ROBO1: variants seen among roughly 807,000 people sequenced by gnomAD.
ROBO1 encodes roundabout homolog 1.
A neutral mutation model predicts 195.9 loss-of-function variants in ROBO1; 149 were observed. The ratio of observed to expected loss-of-function variants is 0.76; its 90% CI spans 0.67 to 0.87. The LOEUF (loss-of-function observed/expected upper bound fraction) is 0.87, where lower values mean the gene tolerates loss of function less well. ROBO1 is among the 40% of genes least tolerant of loss of function. ROBO1 has a pLI of 0.00. For missense variants in ROBO1, 1,933 were observed against 2,068.3 expected (o/e 0.93, Z 1.27); for synonymous variants, 816 against 733.2 (o/e 1.11, Z -1.82).
At chr3:79,541,835 A>G (rs1478672760) in intron 2 of ROBO1, among the ~76,000 whole-genome samples, 7 of 150,666 alleles carry the variant, frequency 4.6e-5, no homozygotes, top group African/African-American at 1.7e-4. Flanking sequence ...GTGTGTATAT[A>G]TATATATATG....
At chr3:79,315,981 A>C (rs1054196266) in intron 2 of ROBO1, among the ~76,000 whole-genome samples, 1 of 152,216 alleles carries the variant, frequency 6.6e-6, no homozygotes, top group African/African-American at 2.4e-5. Context: ...AAGTGGAAAA[A>C]GCTTGCCCTT....
intron 2 of ROBO1, among the ~76,000 whole-genome samples, chr3:79,534,344 T>C (rs1941774894): frequency 6.6e-6 from 1 of 152,050 alleles, no homozygotes. Context: ...AGAAAACGAA[T>C]ATGCGACCAT....
At chr3:78,986,820 GTC>G (rs1210795214) in intron 3 of ROBO1, among the ~76,000 whole-genome samples, 1 of 152,118 alleles carries the variant, frequency 6.6e-6, no homozygotes, top group Non-Finnish European at 1.5e-5. Flanking sequence ...ACACCCCTTA[GTC>G]TCCTTTGACT....
At chr3:79,658,277 G>C (rs1946228796) in intron 1 of ROBO1, among the ~76,000 whole-genome samples, 1 of 152,018 alleles carries the variant, frequency 6.6e-6, no homozygotes, top group African/African-American at 2.4e-5. Flanking sequence ...ATTTTTCCTA[G>C]AGCACAATGT....
intron 1 of ROBO1, among the ~76,000 whole-genome samples, chr3:79,764,640 A>C (rs1473524340): frequency 6.6e-6 from 1 of 152,346 alleles, no homozygotes; most frequent in African/African-American, 2.4e-5. Flanking sequence ...ATCTTGCTTA[A>C]ATAAAAGTAG....
intron 4 of ROBO1, among the ~76,000 whole-genome samples, chr3:78,752,217 C>G (rs750589148): frequency 1.7e-4 from 26 of 152,056 alleles, no homozygotes; most frequent in Non-Finnish European, 3.4e-4. Context: ...TCCTAGTTCC[C>G]TGTCTGAACA....
intron 10 of ROBO1, among the ~76,000 whole-genome samples, chr3:78,676,140 A>G (rs1708408554): frequency 6.6e-6 from 1 of 152,178 alleles, no homozygotes; most frequent in African/African-American, 2.4e-5. Context: ...GAAAACTAAC[A>G]AACAGAAAGG....
At chr3:78,931,142 A>T (rs2107646338) in intron 4 of ROBO1, among the ~76,000 whole-genome samples, 1 of 152,286 alleles carries the variant, frequency 6.6e-6, no homozygotes, top group African/African-American at 2.4e-5. Flanking sequence ...CTTTAAAAAA[A>T]AATCACTTTT....
intron 4 of ROBO1, among the ~76,000 whole-genome samples, chr3:78,774,621 C>A (rs12714472): frequency 0.012 from 659 of 55,026 alleles, 6 homozygotes; most frequent in Admixed American, 0.021. Flanking sequence ...AAAAAAAAAT[C>A]TACCACTTGA....
intron 2 of ROBO1, among the ~76,000 whole-genome samples, chr3:79,483,096 T>C (rs924721432): frequency 2.0e-5 from 3 of 152,214 alleles, no homozygotes; most frequent in African/African-American, 7.2e-5. Context: ...ATGTAAAATA[T>C]ATAAACTTCC....
At chr3:78,715,627 G>T (rs1367330485) in intron 7 of ROBO1, among the ~76,000 whole-genome samples, 3 of 152,150 alleles carry the variant, frequency 2.0e-5, no homozygotes, top group Non-Finnish European at 2.9e-5. Context: ...CGCCTCCAGG[G>T]CTCAAGCAAT....
intron 2 of ROBO1, among the ~76,000 whole-genome samples, chr3:79,471,133 T>C (rs987423155): frequency 2.0e-5 from 3 of 151,984 alleles, no homozygotes; most frequent in African/African-American, 7.2e-5. Flanking sequence ...CCCTTATCTT[T>C]CACCACATAC....
At chr3:79,661,632 C>A (rs1449201013) in intron 1 of ROBO1, among the ~76,000 whole-genome samples, 1 of 151,540 alleles carries the variant, frequency 6.6e-6, no homozygotes, top group Non-Finnish European at 1.5e-5. Flanking sequence ...CTATCCCTTT[C>A]TTTTTCTCTT....
intron 2 of ROBO1, among the ~76,000 whole-genome samples, chr3:79,288,263 C>A (rs1016686479): frequency 3.9e-5 from 6 of 152,158 alleles, no homozygotes; most frequent in African/African-American, 1.4e-4. Flanking sequence ...ACTTCTGAAA[C>A]TAAGGAAATC....
chr3:79,070,862 A>G (rs1284535623), intron 3 of ROBO1, among the ~76,000 whole-genome samples: 15 of 151,468 alleles, frequency 9.9e-5, no homozygotes, highest in Admixed American at 7.9e-4. Context: ...TTGCTCTTTT[A>G]TGTATTTTTT....
intron 1 of ROBO1, among the ~76,000 whole-genome samples, chr3:79,672,133 T>A (rs896665412): frequency 6.6e-6 from 1 of 151,998 alleles, no homozygotes; most frequent in Non-Finnish European, 1.5e-5. Context: ...TAAAGCTATT[T>A]AATTTGCTCT....
intron 26 of ROBO1, among the ~76,000 whole-genome samples, chr3:78,626,754 C>CAT (rs1467668981): frequency 1.7e-5 from 2 of 118,784 alleles, no homozygotes; most frequent in Admixed American, 8.1e-5. Context: ...CAAGCACACA[C>CAT]ATACACACAC....
chr3:78,886,265 T>C (rs1056711212), intron 4 of ROBO1, among the ~76,000 whole-genome samples: 27 of 152,196 alleles, frequency 1.8e-4, no homozygotes, highest in African/African-American at 6.3e-4. Flanking sequence ...CTCAATTTCA[T>C]ATATCGCCAA....
At chr3:78,726,216 A>C (rs780004834) in intron 5 of ROBO1, among the ~76,000 whole-genome samples, 1 of 152,184 alleles carries the variant, frequency 6.6e-6, no homozygotes. Flanking sequence ...GCTTTACTAA[A>C]AATACTATTT....
Sources: gnomAD v4.1 joint callset for allele counts (sites outside exome capture counted in the v4.1 genomes callset) on GRCh38, gnomAD v4.1.1 for gene constraint, MANE v1.5 for transcripts, NCBI Gene and HGNC (gene_info 2026-07-23, HGNC 2026-07-21) for gene names.